The following G3BP1 variants were observed in gnomAD, a reference collection of about 807,000 sequenced individuals.
The protein encoded by G3BP1 is G3BP stress granule assembly factor 1.
In G3BP1, 35 loss-of-function variants were observed where a neutral mutation model predicts 58.6. The observed-to-expected ratio is 0.60, with a 90% CI of 0.46 to 0.79. The LOEUF is 0.79. G3BP1 is among the 30% of genes least tolerant of loss of function. The pLI, the probability that G3BP1 is intolerant of heterozygous loss-of-function variation, is 0.00. For missense variants in G3BP1, 523 were observed against 580.8 expected (o/e 0.90, Z 1.02); for synonymous variants, 191 against 195.4 (o/e 0.98, Z 0.19).
At chr5:151,772,770 C>T (rs1443978353) in intron 1 of G3BP1, 1 of 152,204 alleles carries the variant, frequency 6.6e-6, no homozygotes, top group East Asian at 1.9e-4. Flanking sequence ...GACGCCGGGC[C>T]CTCTGACTCC....
intron 1 of G3BP1, among the ~76,000 whole-genome samples, chr5:151,773,332 C>T (rs1762310400): frequency 6.6e-6 from 1 of 151,928 alleles, no homozygotes; most frequent in Non-Finnish European, 1.5e-5. Flanking sequence ...TTACAGTATA[C>T]TATTTGGACC....
chr5:151,793,214 T>A (rs1762690458), intron 4 of G3BP1, among the ~76,000 whole-genome samples: 1 of 152,106 alleles, frequency 6.6e-6, no homozygotes, highest in African/African-American at 2.4e-5. Flanking sequence ...GTTCAAGCAA[T>A]CCTCCCGCCT....
intron 1 of G3BP1, among the ~76,000 whole-genome samples, chr5:151,782,126 T>C (rs1762481104): frequency 6.6e-6 from 1 of 152,152 alleles, no homozygotes; most frequent in South Asian, 2.1e-4. Flanking sequence ...ATTTTGATAC[T>C]GATAGTAATA....
rs777216922 is a variant in G3BP1, at chr5:151,804,112, A to G, written c.*21A>G. The G allele has an allele frequency of 2.6e-6, 4 of 1,535,458 alleles. No individual in the cohort carries two copies. Among genetic ancestry groups the G allele is most frequent in the Non-Finnish European group, 3.6e-6 (4 of 1,124,916 alleles). ...AGTGAATCTTCATGGATCTTCATGC[A>G]GCCATACAAACCCTGGTTCCAACAG... On this transcript the variant is annotated 3_prime_UTR_variant, in exon 12 of 12. Transcript: ENST00000356245.
rs531473373 is a variant in G3BP1 at position 151,807,392 on chromosome 5, A to G, written c.*3301A>G. On this transcript the variant is annotated 3_prime_UTR_variant, in exon 12 of 12. Transcript: ENST00000356245. Reference sequence around the variant, plus strand: ...ATTACATTTCAGTAGCATAGACCGCAATGAACTTCCTACTGTAGGGAGACT... The same window carrying G: ...ATTACATTTCAGTAGCATAGACCGCGATGAACTTCCTACTGTAGGGAGACT... 1 of 152,316 alleles carries G rather than the reference A, an allele frequency of 6.6e-6. No homozygotes were observed. 9.4% of individuals were successfully genotyped at this position (152,316 alleles called of 1,614,324 possible).
chr5:151,772,823 G>A (rs760471628), intron 1 of G3BP1, among the ~76,000 whole-genome samples: 7 of 152,218 alleles, frequency 4.6e-5, no homozygotes, highest in Non-Finnish European at 1.0e-4. Flanking sequence ...TTTGCCCCCA[G>A]AGCACTTGTC....
chr5:151,775,316 C>T (rs1224388821), intron 1 of G3BP1, among the ~76,000 whole-genome samples: 1 of 152,230 alleles, frequency 6.6e-6, no homozygotes, highest in Non-Finnish European at 1.5e-5. Context: ...ATTAACTTCA[C>T]TGGCTATATA....
intron 11 of G3BP1, among the ~76,000 whole-genome samples, chr5:151,803,272 C>T (rs1484286423): frequency 1.3e-5 from 2 of 152,172 alleles, no homozygotes; most frequent in East Asian, 3.9e-4. Flanking sequence ...GCCTCCAAAT[C>T]TATGGAGAAG....
In G3BP1 at chr5:151,804,655, A is replaced by G. The variant is rs932616370; in HGVS notation, c.*564A>G. ...GTATGTTTAAAAACTGAATAAAAGGAATAGAATTTTTTTTTGATAAAGGAT... is the reference window on the plus strand; with the variant it reads ...GTATGTTTAAAAACTGAATAAAAGGGATAGAATTTTTTTTTGATAAAGGAT... On this transcript the variant is annotated 3_prime_UTR_variant, in exon 12 of 12. Coordinates refer to ENST00000356245, the MANE Select transcript of G3BP1 (RefSeq NM_005754.3). 4 of 152,618 alleles carry G rather than the reference A, an allele frequency of 2.6e-5. No homozygotes were observed. Among genetic ancestry groups the G allele is most frequent in the African/African-American group, 7.2e-5 (3 of 41,440 alleles). The allele number at this position is 152,618 out of a possible 1,614,324, so 9.5% of individuals were successfully genotyped here.
chr5:151,776,392 G>A (rs1263264525), intron 1 of G3BP1, among the ~76,000 whole-genome samples: 1 of 152,166 alleles, frequency 6.6e-6, no homozygotes, highest in African/African-American at 2.4e-5. Flanking sequence ...GGAGAGAGGG[G>A]AATTAGGCTC....
At chr5:151,801,822 T>TTA (rs1762856541) in intron 11 of G3BP1, among the ~76,000 whole-genome samples, 1 of 151,666 alleles carries the variant, frequency 6.6e-6, no homozygotes, top group African/African-American at 2.4e-5. Context: ...TTTTTTTATT[T>TTA]TTTTTTTTTT....
intron 9 of G3BP1, 37 bp from the exon 10 acceptor site, chr5:151,800,181 C>T (rs763097408): frequency 1.4e-5 from 22 of 1,603,438 alleles, no homozygotes; most frequent in Non-Finnish European, 8.5e-7. Flanking sequence ...TGTCTTCTTT[C>T]TCTTGTCTTT....
At chr5:151,789,002 C>T (rs1456586737) in intron 2 of G3BP1, among the ~76,000 whole-genome samples, 3 of 152,070 alleles carry the variant, frequency 2.0e-5, no homozygotes, top group Non-Finnish European at 4.4e-5. Flanking sequence ...CTCGAACTTC[C>T]GACTTCAGGT....
intron 1 of G3BP1, among the ~76,000 whole-genome samples, chr5:151,783,954 G>A (rs188629498): frequency 3.8e-4 from 58 of 152,094 alleles, no homozygotes; most frequent in African/African-American, 1.3e-3. Flanking sequence ...GTAGAAATGG[G>A]GCTTCACCAT....
intron 4 of G3BP1, among the ~76,000 whole-genome samples, chr5:151,793,221 G>A (rs190329109): frequency 7.8e-4 from 119 of 152,184 alleles, no homozygotes; most frequent in East Asian, 5.6e-3. Context: ...CAATCCTCCC[G>A]CCTCAGCCTC....
At chr5:151,781,718 T>C (rs1038318057) in intron 1 of G3BP1, among the ~76,000 whole-genome samples, 1 of 152,252 alleles carries the variant, frequency 6.6e-6, no homozygotes, top group Admixed American at 6.5e-5. Flanking sequence ...CATAAACATA[T>C]ACAATACTGA....
chr5:151,795,415 G>T, intron 5 of G3BP1, 64 bp from the exon 6 acceptor site: 1 of 816,472 alleles, frequency 1.2e-6, no homozygotes, highest in Non-Finnish European at 2.0e-6. Flanking sequence ...TGAACATTGC[G>T]AAAGTTAATG....
rs145889997 is a variant in G3BP1 at position 151,776,944 on chromosome 5, C to T, written c.-50+4908C>T. Among the ~76,000 whole-genome samples, 5 of 139,630 alleles carry T rather than the reference C, an allele frequency of 3.6e-5. 1 individual carries two copies. The highest frequency in any genetic ancestry group is 2.9e-4 in the Admixed American group (4 of 13,768). 91.6% of individuals were successfully genotyped at this position (139,630 alleles called of 152,430 possible). ...CTTTGTCCTTTTGACACTTCCCTATCTTATCTGTTTTTTAAAAGCATGTTT... is the reference window on the plus strand; with the variant it reads ...CTTTGTCCTTTTGACACTTCCCTATTTTATCTGTTTTTTAAAAGCATGTTT... On this transcript the variant is annotated intron_variant, in intron 1 of 11. Transcript: ENST00000356245.
chr5:151,796,284 A>T (rs935878240), intron 6 of G3BP1, among the ~76,000 whole-genome samples: 4 of 152,136 alleles, frequency 2.6e-5, no homozygotes, highest in African/African-American at 7.2e-5. Context: ...TTTTTGTTCT[A>T]TTGAGACAGA....
Sources: allele counts gnomAD v4.1 joint callset (sites outside exome capture counted in the v4.1 genomes callset), GRCh38; gene constraint gnomAD v4.1.1; transcripts MANE v1.5; gene names NCBI Gene and HGNC (gene_info 2026-07-23, HGNC 2026-07-21).